Variants in PCDHA9 observed in about 807,000 individuals in gnomAD.
PCDHA9 encodes the protein protocadherin alpha 9.
A neutral mutation model predicts 62.0 loss-of-function variants in PCDHA9; 62 were observed. That is an observed-to-expected ratio of 1.00 (90% CI 0.81 to 1.23). The LOEUF (loss-of-function observed/expected upper bound fraction) is 1.23, where lower values mean the gene tolerates loss of function less well. PCDHA9 is among the 50% of genes most tolerant of loss of function. PCDHA9 has a pLI of 0.00. For synonymous variants in PCDHA9, 557 were observed against 567.6 expected (o/e 0.98, Z 0.27); for missense variants, 1,205 against 1,249.8 (o/e 0.96, Z 0.54).
chr5:140,956,820 G>C (rs246011), intron 1 of PCDHA9, among the ~76,000 whole-genome samples: 85,659 of 151,910 alleles, frequency 0.56, 24,765 homozygotes, highest in African/African-American at 0.69. Context: ...GCTTCAATTT[G>C]TAATTTAATA....
At chr5:140,956,754 C>T (rs1470553559) in intron 1 of PCDHA9, among the ~76,000 whole-genome samples, 5 of 152,140 alleles carry the variant, frequency 3.3e-5, no homozygotes, top group African/African-American at 1.2e-4. Flanking sequence ...TGATAGAATT[C>T]AGCTGTAAAT....
At chr5:140,869,378 G>T in intron 1 of PCDHA9, 3 of 1,614,168 alleles carry the variant, frequency 1.9e-6, no homozygotes, top group East Asian at 2.2e-5. Flanking sequence ...CGGATCGACC[G>T]CGAGGAGCTG....
At chr5:141,007,712 A>G (rs2098342161) in intron 3 of PCDHA9, among the ~76,000 whole-genome samples, 1 of 152,170 alleles carries the variant, frequency 6.6e-6, no homozygotes, top group Non-Finnish European at 1.5e-5. Context: ...GCCTCCCACC[A>G]CCAGGGAGAA....
chr5:140,858,425 C>T lies in PCDHA9; in HGVS notation c.2394+7536C>T, dbSNP rs373682195. 1.3e-5 allele frequency: 20 copies of T among 1,552,580 alleles called. 2 individuals are homozygous for T. The highest frequency in any genetic ancestry group is 1.8e-5 in the Non-Finnish European group (20 of 1,140,698). On this transcript the variant is annotated intron_variant, in intron 1 of 3. Transcript: ENST00000532602. ...GGAAGATCAGTCTATTGGAGGGGAC[C>T]ACTCTAGGAAGGTGGGTTATTACGT...
intron 1 of PCDHA9, among the ~76,000 whole-genome samples, chr5:140,941,208 T>TTCCTTTCTTTCTTTCTTTCTTTCG (rs2092839762): frequency 9.1e-6 from 1 of 109,450 alleles, no homozygotes; most frequent in Non-Finnish European, 2.0e-5. Context: ...TCTTCCTTTC[T>TTCCTTTCTTTCTTTCTTTCTTTCG]TTCTTCCTTT....
At chr5:140,916,399 C>G (rs1421171065) in intron 1 of PCDHA9, among the ~76,000 whole-genome samples, 2 of 152,168 alleles carry the variant, frequency 1.3e-5, no homozygotes, top group African/African-American at 4.8e-5. Context: ...TGTGCTGGAT[C>G]ACACCTGAAG....
At chr5:140,857,602 G>A in intron 1 of PCDHA9, 2 of 1,596,382 alleles carry the variant, frequency 1.3e-6, no homozygotes, top group Non-Finnish European at 8.6e-7. Context: ...AGGTGTACGC[G>A]CTGCAGCCGC....
rs142640080 is a variant in PCDHA9 at position 140,917,521 on chromosome 5, C to T, written c.2395-61428C>T. Among the ~76,000 whole-genome samples the T allele has an allele frequency of 5.8e-4, 88 of 152,256 alleles. 1 individual carries two copies. In the East Asian group the frequency reaches 0.015, roughly 26 times the overall value. On this transcript the variant is annotated intron_variant, in intron 1 of 3. Transcript: ENST00000532602. ...ATGATATTTTCTAGGTTTTATTCTA[C>T]GGTTTGTATAGTTTTAGGTTTTACA...
chr5:140,982,506 C>G lies in PCDHA9; in HGVS notation c.2485C>G (p.Arg829Gly). The change falls in exon 3 of 4, where the codon CGG (arginine) becomes GGG (glycine). Residue 829 changes from arginine to glycine, a missense_variant. This residue lies in a region of PCDHA9 where 887 missense variants were observed against 809.5 expected (regional missense o/e 1.10). Transcript: ENST00000532602. ...SVHLEEAGIL[R>G]AGPGGPDQQW... Reference sequence around the variant, plus strand: ...GCACCTAGAGGAGGCTGGCATTCTACGGGCTGGTCCAGGAGGGCCTGATCA... The same window carrying G: ...GCACCTAGAGGAGGCTGGCATTCTAGGGGCTGGTCCAGGAGGGCCTGATCA... 6.2e-7 allele frequency: 1 copy of G among 1,614,162 alleles called. No homozygotes were observed. Among genetic ancestry groups the G allele is most frequent in the Non-Finnish European group, 8.5e-7 (1 of 1,180,032 alleles).
At chr5:140,954,938 GT>G (rs2095112203) in intron 1 of PCDHA9, among the ~76,000 whole-genome samples, 1 of 152,078 alleles carries the variant, frequency 6.6e-6, no homozygotes, top group Admixed American at 6.6e-5. Flanking sequence ...TTAATCTTGA[GT>G]TAATTTTTGT....
rs201991205 is a variant in PCDHA9 at position 140,982,521 on chromosome 5, G to C, written c.2500G>C (p.Gly834Arg). ...TGGCATTCTACGGGCTGGTCCAGGAGGGCCTGATCAGCAGTGGCCAACAGT... is the reference window on the plus strand; with the variant it reads ...TGGCATTCTACGGGCTGGTCCAGGACGGCCTGATCAGCAGTGGCCAACAGT... ...EAGILRAGPG[G>R]PDQQWPTVSS... Residue 834 changes from glycine to arginine, a missense_variant, in exon 3 of 4, where the codon GGG becomes CGG. Gly to Arg is a moderately radical substitution (Grantham distance 125). Around this residue, in one of 3 missense-constraint regions of PCDHA9, gnomAD observed 887 missense variants for 809.5 expected, o/e 1.10. Coordinates refer to ENST00000532602, the MANE Select transcript of PCDHA9 (RefSeq NM_031857.2). The C allele has an allele frequency of 9.3e-6, 15 of 1,614,216 alleles. No individual in the cohort carries two copies. In the Admixed American group the frequency reaches 2.3e-4, roughly 25 times the overall value.
intron 3 of PCDHA9, among the ~76,000 whole-genome samples, chr5:141,005,573 G>A (rs947306752): frequency 4.0e-5 from 6 of 151,140 alleles, no homozygotes; most frequent in Admixed American, 1.3e-4. Context: ...ATGGTGGCGC[G>A]TGCCTGTAGT....
intron 1 of PCDHA9, among the ~76,000 whole-genome samples, chr5:140,925,526 C>T (rs2153578026): frequency 6.6e-6 from 1 of 152,028 alleles, no homozygotes; most frequent in Non-Finnish European, 1.5e-5. Flanking sequence ...AAATTAAAAG[C>T]GAGGAGAAAT....
In PCDHA9 at chr5:140,877,394, A is replaced by G. The variant is rs538259450; in HGVS notation, c.2394+26505A>G. 5.6e-6 allele frequency: 9 copies of G among 1,613,930 alleles called. No individual in the cohort carries two copies. In the South Asian group the frequency reaches 8.8e-5, roughly 16 times the overall value. On this transcript the variant is annotated intron_variant, in intron 1 of 3. Transcript: ENST00000532602. ...ACGACACGCATCCTGGATGAGGCGG[A>G]CGCTCCGCGCCACCGCCTGCTGGTG... is the stretch of plus-strand genomic sequence containing the variant.
chr5:140,953,464 T>C (rs2094890309), intron 1 of PCDHA9, among the ~76,000 whole-genome samples: 1 of 152,142 alleles, frequency 6.6e-6, no homozygotes. Flanking sequence ...GTCAGAGTTT[T>C]AACTTCCTCA....
chr5:140,982,559 A>G lies in PCDHA9; in HGVS notation c.2538A>G (p.Thr846=). 1 of 1,614,170 alleles carries G rather than the reference A, an allele frequency of 6.2e-7. No homozygotes were observed. The highest frequency in any genetic ancestry group is 8.5e-7 in the Non-Finnish European group (1 of 1,180,012). Residue 846 remains threonine, a synonymous_variant, in exon 3 of 4, where the codon ACA becomes ACG. Coordinates refer to ENST00000532602, the MANE Select transcript of PCDHA9 (RefSeq NM_031857.2). The part of the protein sequence containing the change: ...DQQWPTVSSA[T]PEPEAGEVSP... ...AGTGGCCAACAGTATCCAGTGCAAC[A>G]CCAGGTAAAGAGCTGGGGTCTCTCC... is the stretch of plus-strand genomic sequence containing the variant.
chr5:141,004,101 T>C (rs2098153096), intron 3 of PCDHA9, among the ~76,000 whole-genome samples: 1 of 152,220 alleles, frequency 6.6e-6, no homozygotes, highest in Admixed American at 6.5e-5. Flanking sequence ...TCCGTTTTCA[T>C]CTTCTTCAAA....
intron 1 of PCDHA9, among the ~76,000 whole-genome samples, chr5:140,891,305 C>T (rs2063030266): frequency 6.6e-6 from 1 of 152,042 alleles, no homozygotes; most frequent in South Asian, 2.1e-4. Context: ...TATTTGATTA[C>T]ATGAGTAAGT....
At chr5:140,907,970 A>C (rs1312755290) in intron 1 of PCDHA9, among the ~76,000 whole-genome samples, 3 of 152,158 alleles carry the variant, frequency 2.0e-5, no homozygotes, top group Admixed American at 2.0e-4. Flanking sequence ...CAATTTTCCA[A>C]TCATGCTTCT....
Sources: allele counts gnomAD v4.1 joint callset (sites outside exome capture counted in the v4.1 genomes callset), GRCh38; gene constraint gnomAD v4.1.1; regional missense constraint gnomAD v4.1.1; transcripts MANE v1.5; gene names NCBI Gene and HGNC (gene_info 2026-07-23, HGNC 2026-07-21).